Variants in DCBLD2 observed in about 807,000 individuals in gnomAD.
The protein encoded by DCBLD2 is discoidin, CUB and LCCL domain-containing protein 2.
In DCBLD2, 54 loss-of-function variants were observed where a neutral mutation model predicts 86.8. The observed-to-expected ratio is 0.62, with a 90% CI of 0.50 to 0.78. DCBLD2 has a LOEUF of 0.78. Among genes scored for constraint, DCBLD2 ranks in the 30% least tolerant of loss-of-function variants. DCBLD2 has a pLI of 0.00. For missense variants in DCBLD2, 908 were observed against 954.2 expected, an observed-to-expected ratio of 0.95 and a Z score of 0.64; for synonymous variants, 354 against 341.3, an observed-to-expected ratio of 1.04 and a Z score of -0.41.
chr3:98,803,521 T>C (rs567493797), intron 13 of DCBLD2, among the ~76,000 whole-genome samples: 3 of 152,332 alleles, frequency 2.0e-5, no homozygotes, highest in South Asian at 2.1e-4. Context: ...CTTTTCCTAA[T>C]TGAATACCCT....
At chr3:98,881,351 G>C (rs1943467298) in intron 2 of DCBLD2, among the ~76,000 whole-genome samples, 189 bp downstream of exon 2, 1 of 151,248 alleles carries the variant, frequency 6.6e-6, no homozygotes, top group Non-Finnish European at 1.5e-5. Context: ...GTGCTTATTA[G>C]AAAAGTAAAT....
intron 2 of DCBLD2, among the ~76,000 whole-genome samples, chr3:98,873,669 TGAAA>T (rs953409650): frequency 1.3e-5 from 2 of 151,556 alleles, no homozygotes; most frequent in African/African-American, 2.4e-5. Flanking sequence ...TCAATAAAAA[TGAAA>T]GAAAAAGTGA....
intron 1 of DCBLD2, among the ~76,000 whole-genome samples, chr3:98,887,814 T>C (rs532665130): frequency 2.5e-4 from 38 of 152,140 alleles, no homozygotes; most frequent in South Asian, 1.7e-3. Context: ...TTTGTTACAA[T>C]TGATGAACCT....
chr3:98,868,762 G>A (rs1391377286), intron 2 of DCBLD2, among the ~76,000 whole-genome samples: 1 of 152,140 alleles, frequency 6.6e-6, no homozygotes, highest in East Asian at 1.9e-4. Context: ...TTCTATCCAA[G>A]GAGCTGCGAA....
intron 12 of DCBLD2, among the ~76,000 whole-genome samples, chr3:98,810,561 A>T (rs1223980471): frequency 6.6e-6 from 1 of 152,146 alleles, no homozygotes; most frequent in Non-Finnish European, 1.5e-5. Flanking sequence ...TTTTGAATTC[A>T]ATTGAAATTT....
intron 10 of DCBLD2, 127 bp downstream of exon 10, chr3:98,812,205 G>C: frequency 7.7e-7 from 1 of 1,292,328 alleles, no homozygotes; most frequent in Non-Finnish European, 1.1e-6. Flanking sequence ...ATCCCTTTAA[G>C]AAGATATTGT....
At chr3:98,854,474 G>A (rs1296363990) in intron 2 of DCBLD2, among the ~76,000 whole-genome samples, 2 of 152,088 alleles carry the variant, frequency 1.3e-5, no homozygotes, top group Non-Finnish European at 1.5e-5. Flanking sequence ...AGCTGCTTCA[G>A]CAAAGACTTG....
chr3:98,812,305 C>A, intron 10 of DCBLD2, 27 bp downstream of exon 10: 1 of 1,609,300 alleles, frequency 6.2e-7, no homozygotes, highest in Non-Finnish European at 8.5e-7. Context: ...CCAGTAAAAA[C>A]ATATCTTAAA....
chr3:98,870,652 GAGAA>G (rs1289226700), intron 2 of DCBLD2, among the ~76,000 whole-genome samples: 2 of 109,372 alleles, frequency 1.8e-5, no homozygotes, highest in African/African-American at 3.6e-5. Context: ...AGAAGAGATA[GAGAA>G]AGAGAGAGAG....
At chr3:98,869,339 A>T (rs954152082) in intron 2 of DCBLD2, among the ~76,000 whole-genome samples, 4 of 152,194 alleles carry the variant, frequency 2.6e-5, no homozygotes, top group African/African-American at 9.7e-5. Flanking sequence ...TAGATTACGG[A>T]CATTAGTCCT....
chr3:98,843,822 T>A (rs1299422456), intron 3 of DCBLD2, among the ~76,000 whole-genome samples: 1 of 152,152 alleles, frequency 6.6e-6, no homozygotes, highest in Non-Finnish European at 1.5e-5. Flanking sequence ...GAGTTCCGAT[T>A]AGGAACTATA....
intron 1 of DCBLD2, among the ~76,000 whole-genome samples, chr3:98,895,567 C>T (rs938650451): frequency 3.3e-5 from 5 of 152,178 alleles, no homozygotes; most frequent in African/African-American, 1.2e-4. Context: ...TACCAAACTT[C>T]AAAGCTTACC....
intron 3 of DCBLD2, among the ~76,000 whole-genome samples, chr3:98,830,047 A>G (rs1046314227): frequency 6.6e-6 from 1 of 152,044 alleles, no homozygotes; most frequent in Non-Finnish European, 1.5e-5. Flanking sequence ...TCTTCTTTGG[A>G]AAAGTGTCTG....
At chr3:98,900,909 T>C in intron 1 of DCBLD2, 2 of 777,414 alleles carry the variant, frequency 2.6e-6, no homozygotes, top group Non-Finnish European at 2.0e-6. Flanking sequence ...GAAAAATAAA[T>C]GGCCTTGCCA....
intron 1 of DCBLD2, among the ~76,000 whole-genome samples, chr3:98,896,736 G>T (rs1324970533): frequency 1.3e-5 from 2 of 152,262 alleles, no homozygotes; most frequent in South Asian, 2.1e-4. Context: ...TGGCCGTAAG[G>T]TTGTTATAAA....
intron 9 of DCBLD2, 55 bp from the exon 10 acceptor site, chr3:98,812,537 A>G: frequency 6.6e-7 from 1 of 1,506,034 alleles, no homozygotes; most frequent in African/African-American, 1.4e-5. Flanking sequence ...TCAGGGCTAA[A>G]TTTCTCCACT....
intron 2 of DCBLD2, among the ~76,000 whole-genome samples, chr3:98,870,737 A>AAAAGAAAGAAAGAAAGAAAGAAAGG (rs1943252635): frequency 1.4e-5 from 1 of 69,798 alleles, no homozygotes; most frequent in Non-Finnish European, 2.9e-5. Flanking sequence ...AAAAGAAAGA[A>AAAAGAAAGAAAGAAAGAAAGAAAGG]AAAGAAAGAA....
intron 3 of DCBLD2, among the ~76,000 whole-genome samples, chr3:98,827,013 T>G (rs1182262178): frequency 6.6e-6 from 1 of 152,208 alleles, no homozygotes; most frequent in African/African-American, 2.4e-5. Context: ...GTGTTTACTA[T>G]TCAACTAAAA....
intron 2 of DCBLD2, among the ~76,000 whole-genome samples, chr3:98,870,738 AAAGAAAGAAAG>A (rs1298036025): frequency 7.5e-5 from 1 of 13,314 alleles, no homozygotes; most frequent in Non-Finnish European, 1.6e-4. Context: ...AAAGAAAGAA[AAAGAAAGAAAG>A]AAAGAAAGAA....
Sources: allele counts gnomAD v4.1 joint callset (sites outside exome capture counted in the v4.1 genomes callset), GRCh38; gene constraint gnomAD v4.1.1; transcripts MANE v1.5; gene names NCBI Gene and HGNC (gene_info 2026-07-23, HGNC 2026-07-21).